The following ASCC3 variants were observed in gnomAD, a reference collection of about 807,000 sequenced individuals.
ASCC3 encodes the protein activating signal cointegrator 1 complex subunit 3.
ASCC3 carries 158 observed loss-of-function variants against 256.3 expected under a neutral mutation model. The ratio of observed to expected loss-of-function variants is 0.62; its 90% CI spans 0.54 to 0.70. The LOEUF (loss-of-function observed/expected upper bound fraction) is 0.70, where lower values mean the gene tolerates loss of function less well. ASCC3 is among the 30% of genes least tolerant of loss of function. ASCC3 has a pLI of 0.00. For missense variants in ASCC3, 2,259 were observed against 2,626.0 expected, an observed-to-expected ratio of 0.86 and a Z score of 3.05; for synonymous variants, 948 against 883.4, an observed-to-expected ratio of 1.07 and a Z score of -1.30.
chr6:100,624,162 C>G (rs1047094828), intron 30 of ASCC3, among the ~76,000 whole-genome samples: 3 of 151,082 alleles, frequency 2.0e-5, no homozygotes, highest in African/African-American at 7.3e-5. Context: ...AATAAACTAG[C>G]AAAGTTACCT....
chr6:100,523,723 TGTAA>T (rs1484381663), intron 37 of ASCC3, among the ~76,000 whole-genome samples: 1 of 152,186 alleles, frequency 6.6e-6, no homozygotes, highest in Non-Finnish European at 1.5e-5. Context: ...TTTACAGTGG[TGTAA>T]GTATTTCTGC....
chr6:100,785,243 C>T (rs1288828679), intron 8 of ASCC3, among the ~76,000 whole-genome samples: 3 of 152,152 alleles, frequency 2.0e-5, no homozygotes, highest in South Asian at 4.2e-4. Context: ...TTGTGAAAAT[C>T]AAGTTACTTA....
chr6:100,512,605 G>C (rs1773821303), intron 40 of ASCC3, 104 bp downstream of exon 40: 1 of 1,197,214 alleles, frequency 8.4e-7, no homozygotes, highest in African/African-American at 1.5e-5. Context: ...GAGAAAGCAG[G>C]ATTCATGAAT....
chr6:100,742,304 G>A (rs1582793694), intron 10 of ASCC3, among the ~76,000 whole-genome samples: 2 of 152,080 alleles, frequency 1.3e-5, no homozygotes, highest in Admixed American at 6.5e-5. Flanking sequence ...TGAAGGAGGT[G>A]GCTGAAGACC....
At chr6:100,630,057 CT>C (rs150882123) in intron 26 of ASCC3, among the ~76,000 whole-genome samples, 11,102 of 151,670 alleles carry the variant, frequency 0.073, 608 homozygotes, top group African/African-American at 0.15. Flanking sequence ...CCTCCAGCTC[CT>C]TTTTTATTTT....
At chr6:100,509,887 CAAAA>C (rs34448975) in intron 41 of ASCC3, 41 bp downstream of exon 41, 153 of 1,392,218 alleles carry the variant, frequency 1.1e-4, no homozygotes, top group Admixed American at 1.4e-4. Context: ...GACTCCGCCT[CAAAA>C]AAAAAAAAAA....
At chr6:100,877,237 T>C (rs556381737) in intron 1 of ASCC3, among the ~76,000 whole-genome samples, 1 of 152,264 alleles carries the variant, frequency 6.6e-6, no homozygotes, top group Non-Finnish European at 1.5e-5. Context: ...TAGGGAATTA[T>C]TAAAGGGACA....
At chr6:100,811,858 C>G (rs745322276) in intron 4 of ASCC3, among the ~76,000 whole-genome samples, 9 of 152,168 alleles carry the variant, frequency 5.9e-5, no homozygotes, top group Non-Finnish European at 1.0e-4. Flanking sequence ...TAAATGTCAA[C>G]ACTGACCTCT....
chr6:100,612,916 T>C (rs1773478115), intron 30 of ASCC3, among the ~76,000 whole-genome samples: 1 of 143,614 alleles, frequency 7.0e-6, no homozygotes. Flanking sequence ...TTAAATTACA[T>C]GTGAAGTAAA....
At chr6:100,690,796 A>G (rs1777806403) in intron 13 of ASCC3, among the ~76,000 whole-genome samples, 1 of 152,166 alleles carries the variant, frequency 6.6e-6, no homozygotes, top group Non-Finnish European at 1.5e-5. Context: ...GCTCCAAGCT[A>G]TGTAATAGAT....
At chr6:100,597,809 G>GGAAAAAAAAAAA in intron 34 of ASCC3, among the ~76,000 whole-genome samples, 1 of 88,610 alleles carries the variant, frequency 1.1e-5, no homozygotes, top group Non-Finnish European at 2.3e-5. Flanking sequence ...CGTCTCTACT[G>GGAAAAAAAAAAA]AAAAAAAAAA....
At chr6:100,820,234 C>T (rs1410421312) in intron 4 of ASCC3, among the ~76,000 whole-genome samples, 4 of 152,170 alleles carry the variant, frequency 2.6e-5, no homozygotes, top group Non-Finnish European at 5.9e-5. Flanking sequence ...CACTTTCATA[C>T]TTCTAACTTA....
At chr6:100,757,503 G>A (rs1562275545) in intron 10 of ASCC3, among the ~76,000 whole-genome samples, 4 of 149,710 alleles carry the variant, frequency 2.7e-5, no homozygotes. Flanking sequence ...TCATTCAGAA[G>A]AAAAATGTGG....
At chr6:100,860,547 T>C (rs9377239) in intron 3 of ASCC3, among the ~76,000 whole-genome samples, 106,900 of 151,466 alleles carry the variant, frequency 0.71, 37,952 homozygotes, top group East Asian at 0.75. Flanking sequence ...TTGGATTCTC[T>C]ATACTTCATT....
At chr6:100,714,650 T>C (rs1294108573) in intron 13 of ASCC3, among the ~76,000 whole-genome samples, 1 of 143,562 alleles carries the variant, frequency 7.0e-6, no homozygotes, top group African/African-American at 2.5e-5. Flanking sequence ...GCAACTATTA[T>C]TCTTGCTAGT....
intron 4 of ASCC3, among the ~76,000 whole-genome samples, chr6:100,844,556 A>G (rs1772300892): frequency 6.6e-6 from 1 of 152,122 alleles, no homozygotes; most frequent in African/African-American, 2.4e-5. Context: ...AGAAAATAAC[A>G]TGGAATATTC....
intron 13 of ASCC3, among the ~76,000 whole-genome samples, chr6:100,703,251 C>A (rs1778427132): frequency 6.6e-6 from 1 of 152,016 alleles, no homozygotes; most frequent in Non-Finnish European, 1.5e-5. Flanking sequence ...CAACCCCTTT[C>A]TAAAAATATT....
chr6:100,742,012 A>G (rs1459848066), intron 10 of ASCC3, among the ~76,000 whole-genome samples: 1 of 152,090 alleles, frequency 6.6e-6, no homozygotes, highest in Non-Finnish European at 1.5e-5. Flanking sequence ...TTTAGCTTCA[A>G]TCTTTGAGGT....
chr6:100,828,431 A>G (rs1306830911), intron 4 of ASCC3, among the ~76,000 whole-genome samples: 1 of 152,164 alleles, frequency 6.6e-6, no homozygotes, highest in Non-Finnish European at 1.5e-5. Flanking sequence ...ATCAAACCCT[A>G]TATATACTAT....
Sources: gnomAD v4.1 joint callset for allele counts (sites outside exome capture counted in the v4.1 genomes callset) on GRCh38, gnomAD v4.1.1 for gene constraint, MANE v1.5 for transcripts, NCBI Gene and HGNC (gene_info 2026-07-23, HGNC 2026-07-21) for gene names.